Variants in CALM2 observed in about 807,000 individuals in gnomAD.
CALM2 encodes calmodulin 2, also known as calmodulin-2.
CALM2 carries 2 observed loss-of-function variants against 19.8 expected under a neutral mutation model. The observed-to-expected ratio is 0.10, with a 90% CI of 0.04 to 0.32. The LOEUF is 0.32. Ranked by LOEUF, CALM2 falls within the 10% of genes least tolerant of loss-of-function variation. The pLI, the probability that CALM2 is intolerant of heterozygous loss-of-function variation, is 1.00. For synonymous variants in CALM2, 51 were observed against 52.1 expected (o/e 0.98, Z 0.09); for missense variants, 38 against 178.7 (o/e 0.21, Z 4.49).
At chr2:47,172,369 CCT>C in intron 1 of CALM2, 1 of 509,928 alleles carries the variant, frequency 2.0e-6, no homozygotes, top group Non-Finnish European at 3.8e-6. Flanking sequence ...TGGTACTCCT[CCT>C]CTCAGTCAAC....
Position 47,167,817 on chromosome 2 carries a change from T to TTTTTTTTTTTTTA in CALM2, c.34+2916_34+2917insTAAAAAAAAAAAA, listed in dbSNP as rs70940664. 26 of 142,964 alleles carry TTTTTTTTTTTTTA rather than the reference T, an allele frequency of 1.8e-4. 1 individual carries two copies. Among genetic ancestry groups the TTTTTTTTTTTTTA allele is most frequent in the Non-Finnish European group, 2.4e-4 (16 of 66,024 alleles). The allele number at this position is 142,964 out of a possible 1,614,324, so 8.9% of individuals were successfully genotyped here. On this transcript the variant is annotated intron_variant, in intron 2 of 5. Coordinates refer to ENST00000272298, the MANE Select transcript of CALM2 (RefSeq NM_001743.6). ...AAAAAAAATTTTTTTTTCTTTTCTT[T>TTTTTTTTTTTTTA]GAGACAGGGTCTTGCTGTGTTGCCC...
At chr2:47,165,686 A>G (rs1228175753) in intron 2 of CALM2, among the ~76,000 whole-genome samples, 1 of 152,138 alleles carries the variant, frequency 6.6e-6, no homozygotes, top group East Asian at 1.9e-4. Flanking sequence ...ACCCACTTAC[A>G]ACGAAGATAT....
chr2:47,162,008 AT>A, intron 4 of CALM2, 150 bp from the exon 5 acceptor site: 2 of 693,420 alleles, frequency 2.9e-6, no homozygotes, highest in Middle Eastern at 3.8e-4. Context: ...TACAAATGTC[AT>A]TAAGAGCCAA....
At chr2:47,168,310 A>AT (rs1002617407) in intron 2 of CALM2, among the ~76,000 whole-genome samples, 4 of 152,262 alleles carry the variant, frequency 2.6e-5, no homozygotes, top group African/African-American at 7.2e-5. Flanking sequence ...CTAAGAACAG[A>AT]TTTTTTTCCC....
chr2:47,171,628 G>A (rs1445834432), intron 1 of CALM2: 1 of 152,052 alleles, frequency 6.6e-6, no homozygotes, highest in African/African-American at 2.4e-5. Flanking sequence ...ACTCCTTGTT[G>A]TATTCTTTGA....
At position 47,162,524 on chromosome 2, in the gene CALM2, G is replaced by C; in HGVS notation, c.173C>G (p.Ala58Gly). 1 of 1,614,058 alleles carries C rather than the reference G, an allele frequency of 6.2e-7. No individual in the cohort carries two copies. Among genetic ancestry groups the C allele is most frequent in the East Asian group, 2.2e-5 (1 of 44,868 alleles). ...CCACAAAATTGAAGACTTACCATCA[G>C]CATCTACTTCATTAATCATGTCCTG... ...ELQDMINEVD[A>G]DGNGTIDFPE... The change falls in exon 3 of 6, where the codon GCT (alanine) becomes GGT (glycine). Residue 58 changes from alanine to glycine, a missense_variant. Ala to Gly is a moderately conservative substitution (Grantham distance 60). Coordinates refer to ENST00000272298, the MANE Select transcript of CALM2 (RefSeq NM_001743.6).
At chr2:47,168,997 T>C (rs1558698677) in intron 2 of CALM2, among the ~76,000 whole-genome samples, 1 of 152,004 alleles carries the variant, frequency 6.6e-6, no homozygotes, top group African/African-American at 2.4e-5. Flanking sequence ...AGGCTGGTCA[T>C]GAACTCCTGA....
In CALM2 at chr2:47,162,270, C is replaced by T; in HGVS notation, c.285+16G>A. On this transcript the variant is annotated intron_variant, in intron 4 of 5. Transcript: ENST00000272298. ...ATTTCATCCTCAAAATTTAACATAT[C>T]CAGTCCTTGACGTACCTTATCAAAC... 7.0e-7 allele frequency: 1 copy of T among 1,420,506 alleles called. No individual in the cohort carries two copies. The highest frequency in any genetic ancestry group is 9.7e-7 in the Non-Finnish European group (1 of 1,033,438). 88.0% of individuals were successfully genotyped at this position (1,420,506 alleles called of 1,614,324 possible). A position where few individuals can be genotyped will look rare whatever the true frequency, so the allele number is the denominator to read the frequency against.
chr2:47,170,403 C>T (rs375835939), intron 2 of CALM2, among the ~76,000 whole-genome samples: 1 of 152,146 alleles, frequency 6.6e-6, no homozygotes. Flanking sequence ...CCTTTTCTAG[C>T]GTGTTAGCTA....
At chr2:47,172,312 G>A (rs1666695679) in intron 1 of CALM2, 1 of 397,356 alleles carries the variant, frequency 2.5e-6, no homozygotes, top group African/African-American at 2.1e-5. Context: ...CTGAGTCACA[G>A]GCCAGTATCC....
intron 5 of CALM2, among the ~76,000 whole-genome samples, chr2:47,161,344 CG>C (rs894177105): frequency 6.6e-6 from 1 of 152,032 alleles, no homozygotes; most frequent in African/African-American, 2.4e-5. Context: ...CAATACAGTG[CG>C]GGGAAAGAAA....
chr2:47,173,512 T>G (rs997961080), intron 1 of CALM2: 1 of 152,242 alleles, frequency 6.6e-6, no homozygotes, highest in Non-Finnish European at 1.5e-5. Context: ...GAACCATAGG[T>G]GATCTGTCAA....
chr2:47,170,663 C>G, intron 2 of CALM2, 71 bp downstream of exon 2: 1 of 1,142,694 alleles, frequency 8.8e-7, no homozygotes, highest in Non-Finnish European at 1.3e-6. Flanking sequence ...ATACAAGTCT[C>G]TTATTCTGAC....
rs1346778287 is a variant in CALM2, at chr2:47,160,628, A to G, written c.*148T>C. 5.8e-6 allele frequency: 3 copies of G among 519,628 alleles called. No homozygotes were observed. Among genetic ancestry groups the G allele is most frequent in the Non-Finnish European group, 7.0e-6 (2 of 287,752 alleles). 32.2% of individuals were successfully genotyped at this position (519,628 alleles called of 1,614,324 possible). On this transcript the variant is annotated 3_prime_UTR_variant, in exon 6 of 6. Transcript: ENST00000272298. ...TAGGACAATGACAGTAAGATAAGGG[A>G]AGAAAACATGGAGGAATGAAGTCCT...
intron 2 of CALM2, among the ~76,000 whole-genome samples, chr2:47,164,913 T>C (rs1431826372): frequency 6.6e-6 from 1 of 152,218 alleles, no homozygotes; most frequent in Non-Finnish European, 1.5e-5. Flanking sequence ...TCATTCCGTA[T>C]TACCTCTTCC....
intron 4 of CALM2, 91 bp downstream of exon 4, chr2:47,162,195 A>AAAC: frequency 2.0e-6 from 1 of 512,494 alleles, no homozygotes; most frequent in Non-Finnish European, 3.2e-6. Flanking sequence ...AAAAAAAAAA[A>AAAC]AAAAACAACC....
intron 2 of CALM2, among the ~76,000 whole-genome samples, chr2:47,167,892 C>G (rs1376842812): frequency 1.4e-5 from 2 of 146,390 alleles, no homozygotes; most frequent in Admixed American, 1.4e-4. Flanking sequence ...CCTCAGCCTC[C>G]CAAAGTGTTG....
chr2:47,176,218 G>A (rs1666862641), intron 1 of CALM2: 1 of 542,982 alleles, frequency 1.8e-6, no homozygotes, highest in Non-Finnish European at 3.3e-6. Flanking sequence ...GGAACTGTGC[G>A]TCCGGCCCTC....
intron 2 of CALM2, 181 bp from the exon 3 acceptor site, chr2:47,162,843 G>C: frequency 4.0e-6 from 2 of 506,080 alleles, no homozygotes; most frequent in Admixed American, 3.8e-5. Flanking sequence ...AACTTTTAAC[G>C]GAAAAATACC....
Sources: allele counts gnomAD v4.1 joint callset (sites outside exome capture counted in the v4.1 genomes callset), GRCh38; gene constraint gnomAD v4.1.1; transcripts MANE v1.5; gene names NCBI Gene and HGNC (gene_info 2026-07-23, HGNC 2026-07-21).